The following EBF1 variants were observed in gnomAD, a reference collection of about 807,000 sequenced individuals.
EBF1 encodes EBF transcription factor 1, also known as transcription factor COE1.
A neutral mutation model predicts 68.4 loss-of-function variants in EBF1; 10 were observed. That is an observed-to-expected ratio of 0.15 (90% CI 0.09 to 0.25). The LOEUF (loss-of-function observed/expected upper bound fraction) is 0.25, where lower values mean the gene tolerates loss of function less well. Among genes scored for constraint, EBF1 ranks in the 10% least tolerant of loss-of-function variants. The pLI is 1.00. For missense variants in EBF1, 509 were observed against 794.4 expected (o/e 0.64, Z 4.32); for synonymous variants, 298 against 299.8 (o/e 0.99, Z 0.06).
rs73816870 is a variant in EBF1, at chr5:158,994,569, A to C, written c.554+78827T>G. Among the ~76,000 whole-genome samples the C allele has an allele frequency of 3.9e-3, 589 of 152,326 alleles. 2 individuals carry two copies. Among genetic ancestry groups the C allele is most frequent in the African/African-American group, 0.013 (538 of 41,572 alleles). On this transcript the variant is annotated intron_variant, in intron 6 of 15. Transcript: ENST00000313708. ...TTGCACGCCTTTTGAGTAAAGTATA[A>C]TATTTCTTGGAACTCTACGCCTAAG...
At chr5:159,018,458 C>A (rs900112218) in intron 6 of EBF1, among the ~76,000 whole-genome samples, 1 of 152,228 alleles carries the variant, frequency 6.6e-6, no homozygotes, top group Non-Finnish European at 1.5e-5. Context: ...AGCCTATTTA[C>A]ATTTTGGGCT....
At chr5:158,840,645 G>GTTT (rs534374216) in intron 6 of EBF1, among the ~76,000 whole-genome samples, 1,028 of 64,924 alleles carry the variant, frequency 0.016, 105 homozygotes, top group East Asian at 0.026. Flanking sequence ...AATACCTCCT[G>GTTT]TTTTTTTTTT....
chr5:159,046,307 T>C (rs1053537802), intron 6 of EBF1, among the ~76,000 whole-genome samples: 4 of 152,210 alleles, frequency 2.6e-5, no homozygotes, highest in Non-Finnish European at 5.9e-5. Context: ...CAATAGCATC[T>C]CCCACAAAAC....
At chr5:158,979,501 T>G (rs1365008241) in intron 6 of EBF1, among the ~76,000 whole-genome samples, 1 of 152,154 alleles carries the variant, frequency 6.6e-6, no homozygotes, top group African/African-American at 2.4e-5. Context: ...CGATGGTAAA[T>G]TATAAATCGG....
intron 15 of EBF1, among the ~76,000 whole-genome samples, chr5:158,705,544 T>C (rs1242941665): frequency 4.6e-5 from 7 of 152,302 alleles, no homozygotes; most frequent in African/African-American, 1.7e-4. Context: ...GGATCTGTAA[T>C]TGGGTAAGAA....
chr5:158,998,432 C>T (rs919931535), intron 6 of EBF1, among the ~76,000 whole-genome samples: 2 of 152,164 alleles, frequency 1.3e-5, no homozygotes, highest in Non-Finnish European at 2.9e-5. Flanking sequence ...TTCTCTTCCA[C>T]ATCGAGGATG....
intron 6 of EBF1, among the ~76,000 whole-genome samples, chr5:158,884,107 C>T (rs982818101): frequency 1.3e-5 from 2 of 152,198 alleles, no homozygotes; most frequent in African/African-American, 4.8e-5. Flanking sequence ...TATTTGCTAA[C>T]ATTTTTCTAT....
chr5:158,777,406 T>C lies in EBF1; in HGVS notation c.1036+7A>G. ...GTTCTGTGCTCACCATGTGCTGTGG[T>C]TCTTACCTGTATAAATGAATCTGCC... is the stretch of plus-strand genomic sequence containing the variant. On this transcript the variant is annotated splice_region_variant and intron_variant, in intron 10 of 15. Coordinates refer to ENST00000313708, the MANE Select transcript of EBF1 (RefSeq NM_024007.5). 6.2e-7 allele frequency: 1 copy of C among 1,609,494 alleles called. No homozygotes were observed. The highest frequency in any genetic ancestry group is 8.5e-7 in the Non-Finnish European group (1 of 1,177,512).
chr5:159,090,038 T>C (rs142821176), intron 4 of EBF1, among the ~76,000 whole-genome samples: 46 of 152,156 alleles, frequency 3.0e-4, no homozygotes, highest in African/African-American at 1.1e-3. Flanking sequence ...ACCTACTTTG[T>C]CACCTAAGAG....
intron 1 of EBF1, among the ~76,000 whole-genome samples, chr5:159,098,146 A>C (rs753604235): frequency 3.3e-5 from 5 of 152,214 alleles, no homozygotes; most frequent in Non-Finnish European, 7.4e-5. Context: ...TCTGAGTCCG[A>C]TAGGGCCTGG....
chr5:159,024,970 C>A (rs1283277771), intron 6 of EBF1, among the ~76,000 whole-genome samples: 2 of 152,210 alleles, frequency 1.3e-5, no homozygotes, highest in Non-Finnish European at 2.9e-5. Flanking sequence ...ATCTAGGGCA[C>A]AACAGCAAGT....
At chr5:158,867,459 C>CT (rs1379882772) in intron 6 of EBF1, among the ~76,000 whole-genome samples, 1 of 152,100 alleles carries the variant, frequency 6.6e-6, no homozygotes, top group Admixed American at 6.6e-5. Context: ...ACTGGCGACC[C>CT]TTTTTTTGTT....
At chr5:158,707,636 T>A in intron 15 of EBF1, 1 of 304,640 alleles carries the variant, frequency 3.3e-6, no homozygotes, top group Non-Finnish European at 6.3e-6. Flanking sequence ...AAAAGACTGA[T>A]CTGATAATGG....
At chr5:158,880,895 G>A (rs1173800040) in intron 6 of EBF1, among the ~76,000 whole-genome samples, 1 of 152,156 alleles carries the variant, frequency 6.6e-6, no homozygotes. Context: ...AATCACTAAG[G>A]TGGAAATGTC....
At chr5:158,786,349 C>T (rs1363665349) in intron 9 of EBF1, among the ~76,000 whole-genome samples, 6 of 152,150 alleles carry the variant, frequency 3.9e-5, no homozygotes. Context: ...AGAAAAAAGA[C>T]TGAAGTAAAT....
At chr5:158,990,651 G>T (rs1443059107) in intron 6 of EBF1, among the ~76,000 whole-genome samples, 2 of 152,194 alleles carry the variant, frequency 1.3e-5, no homozygotes, top group African/African-American at 4.8e-5. Flanking sequence ...AAAACCAGCT[G>T]TGTGACCAAG....
At chr5:158,846,806 G>A (rs575968296) in intron 6 of EBF1, among the ~76,000 whole-genome samples, 17 of 152,318 alleles carry the variant, frequency 1.1e-4, no homozygotes, top group Admixed American at 3.3e-4. Flanking sequence ...GCTCACTGCC[G>A]GGCTGACTTC....
chr5:158,712,083 G>C (rs1214321758), intron 14 of EBF1, 71 bp downstream of exon 14: 5 of 1,566,872 alleles, frequency 3.2e-6, no homozygotes, highest in Non-Finnish European at 4.3e-6. Flanking sequence ...CCTGCCCACT[G>C]GGCCACATGG....
intron 6 of EBF1, among the ~76,000 whole-genome samples, chr5:158,976,124 C>A (rs1308895573): frequency 1.3e-5 from 2 of 152,152 alleles, no homozygotes; most frequent in Non-Finnish European, 2.9e-5. Flanking sequence ...TTTTATGTAA[C>A]ACATGAGTTA....
Sources: gnomAD v4.1 joint callset for allele counts (sites outside exome capture counted in the v4.1 genomes callset) on GRCh38, gnomAD v4.1.1 for gene constraint, MANE v1.5 for transcripts, NCBI Gene and HGNC (gene_info 2026-07-23, HGNC 2026-07-21) for gene names.